The following KCNN2 variants were observed in gnomAD, a reference collection of about 807,000 sequenced individuals.
KCNN2 encodes potassium calcium-activated channel subfamily N member 2.
Under a neutral mutation model 55.5 loss-of-function variants are expected in KCNN2, and 24 were observed. That is an observed-to-expected ratio of 0.43 (90% CI 0.31 to 0.61). The LOEUF (loss-of-function observed/expected upper bound fraction) is 0.61. KCNN2 is among the 20% of genes least tolerant of loss of function. KCNN2 has a pLI of 0.08. For missense variants in KCNN2, 754 were observed against 853.6 expected (o/e 0.88, Z 1.45); for synonymous variants, 431 against 336.1 (o/e 1.28, Z -3.09).
At chr5:114,180,310 G>A (rs1753215200) in intron 1 of KCNN2, among the ~76,000 whole-genome samples, 1 of 151,996 alleles carries the variant, frequency 6.6e-6, no homozygotes, top group Non-Finnish European at 1.5e-5. Flanking sequence ...TGAAATTACT[G>A]TATTTAAGAC....
At chr5:114,471,836 T>G (rs1038273542) in intron 4 of KCNN2, among the ~76,000 whole-genome samples, 2 of 152,118 alleles carry the variant, frequency 1.3e-5, no homozygotes, top group Non-Finnish European at 2.9e-5. Context: ...AATGATCAGG[T>G]CGTGTATTTA....
upstream of KCNN2, among the ~76,000 whole-genome samples, chr5:114,357,881 T>G (rs1490638155): frequency 1.3e-5 from 2 of 151,682 alleles, no homozygotes; most frequent in East Asian, 3.9e-4. Context: ...CCACACTGAC[T>G]TCCACAATGG....
At chr5:114,272,800 A>G (rs999732128) in intron 2 of KCNN2, among the ~76,000 whole-genome samples, 3 of 152,070 alleles carry the variant, frequency 2.0e-5, no homozygotes, top group Non-Finnish European at 4.4e-5. Context: ...TTAGTTTATT[A>G]TTTAGATTTT....
chr5:114,374,851 G>C (rs1368776425), intron 2 of KCNN2, among the ~76,000 whole-genome samples: 1 of 152,056 alleles, frequency 6.6e-6, no homozygotes, highest in East Asian at 1.9e-4. Flanking sequence ...GGGCATTTTT[G>C]CCTGATTATG....
At chr5:114,072,629 A>C (rs1456715587) in intron 1 of KCNN2, among the ~76,000 whole-genome samples, 1 of 152,200 alleles carries the variant, frequency 6.6e-6, no homozygotes, top group Non-Finnish European at 1.5e-5. Context: ...ATTCTGTTAT[A>C]GCAACACAGA....
At chr5:114,426,654 T>C (rs373043171) in intron 3 of KCNN2, among the ~76,000 whole-genome samples, 2 of 152,318 alleles carry the variant, frequency 1.3e-5, no homozygotes, top group South Asian at 2.1e-4. Context: ...ATTTAGAACA[T>C]TTGTGGTCAT....
chr5:114,370,044 AATAAT>A (rs1441341526), intron 2 of KCNN2, among the ~76,000 whole-genome samples: 1 of 152,162 alleles, frequency 6.6e-6, no homozygotes, highest in Non-Finnish European at 1.5e-5. Context: ...CTCATTAAGA[AATAAT>A]ATAATATTTG....
At chr5:114,177,034 CACTT>C in intron 1 of KCNN2, among the ~76,000 whole-genome samples, 1 of 151,974 alleles carries the variant, frequency 6.6e-6, no homozygotes, top group Non-Finnish European at 1.5e-5. Context: ...GGTCTACAAT[CACTT>C]CATTCATTTT....
chr5:114,320,306 T>C (rs1455221765), intron 2 of KCNN2, among the ~76,000 whole-genome samples: 1 of 151,900 alleles, frequency 6.6e-6, no homozygotes, highest in Non-Finnish European at 1.5e-5. Context: ...AAAATTTTAG[T>C]CCAATTTAAA....
At chr5:114,476,531 G>A (rs1204948185) in intron 5 of KCNN2, among the ~76,000 whole-genome samples, 1 of 150,270 alleles carries the variant, frequency 6.7e-6, no homozygotes, top group African/African-American at 2.5e-5. Flanking sequence ...TGATTCTCCT[G>A]CCTCAGCCCC....
intron 2 of KCNN2, among the ~76,000 whole-genome samples, chr5:114,292,864 C>A (rs1755925111): frequency 6.6e-6 from 1 of 152,154 alleles, no homozygotes; most frequent in South Asian, 2.1e-4. Flanking sequence ...TCTTTTAATT[C>A]ATTGAGCAGT....
chr5:114,192,359 T>A (rs1753468260), intron 1 of KCNN2, among the ~76,000 whole-genome samples: 1 of 152,196 alleles, frequency 6.6e-6, no homozygotes, highest in African/African-American at 2.4e-5. Flanking sequence ...CTAGTAGAAC[T>A]CTGAGTACAT....
chr5:114,228,614 C>T (rs1257054497), intron 2 of KCNN2, among the ~76,000 whole-genome samples: 1 of 152,030 alleles, frequency 6.6e-6, no homozygotes, highest in Non-Finnish European at 1.5e-5. Flanking sequence ...ATTGCAGTTA[C>T]ACTAATATGC....
intron 3 of KCNN2, among the ~76,000 whole-genome samples, chr5:114,422,444 TC>T (rs1309143616): frequency 6.6e-6 from 1 of 152,128 alleles, no homozygotes; most frequent in Non-Finnish European, 1.5e-5. Flanking sequence ...CACTGAATCT[TC>T]CTGTGAATTG....
At chr5:114,212,599 C>T (rs889703982) in intron 1 of KCNN2, among the ~76,000 whole-genome samples, 4 of 151,230 alleles carry the variant, frequency 2.6e-5, no homozygotes, top group African/African-American at 7.3e-5. Flanking sequence ...CTTCACTCTG[C>T]CTAAACTTCA....
chr5:114,449,434 A>G (rs752935832), intron 3 of KCNN2, among the ~76,000 whole-genome samples: 1 of 152,208 alleles, frequency 6.6e-6, no homozygotes, highest in Non-Finnish European at 1.5e-5. Context: ...TTTTACGTAA[A>G]TAGAGTACTT....
At chr5:114,137,360 G>A (rs1580545540) in intron 1 of KCNN2, among the ~76,000 whole-genome samples, 1 of 152,058 alleles carries the variant, frequency 6.6e-6, no homozygotes, top group East Asian at 1.9e-4. Context: ...AATGCAAAAT[G>A]GTAGTCATCT....
rs1561537164 is a variant in KCNN2 at position 114,241,782 on chromosome 5, A to ATGTG, written c.-185+20217_-185+20218insTGTG. On this transcript the variant is annotated intron_variant, in intron 2 of 10. Transcript: ENST00000512097. The stretch of plus-strand genomic sequence containing the variant: ...TATATACGTATATATATACATATAT[A>ATGTG]CGTATATATATGTATATATATACGT... 1.6e-4 allele frequency among the ~76,000 whole-genome samples: 4 copies of ATGTG among 24,760 alleles called. 1 individual carries two copies. The highest frequency in any genetic ancestry group is 4.5e-4 in the Admixed American group (1 of 2,244). 16.2% of individuals were successfully genotyped at this position (24,760 alleles called of 152,430 possible).
At chr5:114,291,368 T>A (rs1256028846) in intron 2 of KCNN2, among the ~76,000 whole-genome samples, 2 of 151,748 alleles carry the variant, frequency 1.3e-5, no homozygotes, top group Non-Finnish European at 2.9e-5. Flanking sequence ...GTCCCTGGAG[T>A]GCGATGTTCC....
Sources: allele counts gnomAD v4.1 joint callset (sites outside exome capture counted in the v4.1 genomes callset), GRCh38; gene constraint gnomAD v4.1.1; transcripts MANE v1.5; gene names NCBI Gene and HGNC (gene_info 2026-07-23, HGNC 2026-07-21).